The following TIAM2 variants were observed in gnomAD, a reference collection of about 807,000 sequenced individuals.
The protein encoded by TIAM2 is rho guanine nucleotide exchange factor TIAM2.
Under a neutral mutation model 152.9 loss-of-function variants are expected in TIAM2, and 80 were observed. The observed-to-expected ratio is 0.52, with a 90% confidence interval of 0.44 to 0.63. The LOEUF (loss-of-function observed/expected upper bound fraction) is 0.63, where lower values mean the gene tolerates loss of function less well. Among genes scored for constraint, TIAM2 ranks in the 30% least tolerant of loss-of-function variants. The probability of loss-of-function intolerance (pLI) is 0.00; values close to 1 mark genes in which losing one functional copy is unlikely to be tolerated. For missense variants in TIAM2, 1,965 were observed against 2,120.1 expected, an observed-to-expected ratio of 0.93 and a Z score of 1.44; for synonymous variants, 804 against 838.0, an observed-to-expected ratio of 0.96 and a Z score of 0.70.
At chr6:155,201,244 C>T (rs75013826) in intron 14 of TIAM2, among the ~76,000 whole-genome samples, 4 of 152,228 alleles carry the variant, frequency 2.6e-5, no homozygotes, top group East Asian at 3.9e-4. Context: ...TTCTTTTTTC[C>T]GTAGAAACTT....
intron 1 of TIAM2, among the ~76,000 whole-genome samples, chr6:155,029,262 A>T: frequency 1.8e-5 from 2 of 110,410 alleles, no homozygotes; most frequent in African/African-American, 6.6e-5. Flanking sequence ...ACTATGTGTT[A>T]TATACACTAT....
chr6:155,152,259 C>G (rs1264707123), intron 7 of TIAM2, among the ~76,000 whole-genome samples: 1 of 152,248 alleles, frequency 6.6e-6, no homozygotes, highest in African/African-American at 2.4e-5. Flanking sequence ...GAAGCCAAAA[C>G]TGCCAAGAAG....
chr6:155,253,941 G>A (rs1783837857), intron 24 of TIAM2, 32 bp from the exon 25 acceptor site: 3 of 1,581,286 alleles, frequency 1.9e-6, no homozygotes, highest in African/African-American at 2.7e-5. Flanking sequence ...GGGCAAAGTT[G>A]TAGACTCTTG....
At chr6:155,163,984 GA>G (rs1164998530) in intron 7 of TIAM2, among the ~76,000 whole-genome samples, 1 of 148,512 alleles carries the variant, frequency 6.7e-6, no homozygotes, top group Non-Finnish European at 1.5e-5. Flanking sequence ...TTTTGAGACG[GA>G]GTCTTGCTTG....
chr6:155,094,414 A>G (rs1562313950), intron 2 of TIAM2, among the ~76,000 whole-genome samples: 1 of 152,214 alleles, frequency 6.6e-6, no homozygotes, highest in Admixed American at 6.5e-5. Context: ...CATAGTTTCA[A>G]ACTTCAAGAA....
intron 7 of TIAM2, among the ~76,000 whole-genome samples, chr6:155,164,133 G>GTGTTTTTTTTTTTTTT (rs1554236331): frequency 8.5e-6 from 1 of 118,006 alleles, no homozygotes; most frequent in Non-Finnish European, 1.7e-5. Flanking sequence ...TAATTTTTGT[G>GTGTTTTTTTTTTTTTT]TTTTTTTTTT....
chr6:155,028,887 ACACTGT>A lies in TIAM2; in HGVS notation c.-209+33396_-209+33401del, dbSNP rs1214487717. ...ATACTATCTATACTATGTTATATAT[ACACTGT>A]ATATACTATCTATACTATGTTATAT... On this transcript the variant is annotated intron_variant, in intron 1 of 26. Coordinates refer to ENST00000682666, the MANE Select transcript of TIAM2 (RefSeq NM_012454.4). Among the ~76,000 whole-genome samples the A allele has an allele frequency of 1.1e-3, 127 of 115,980 alleles. 26 individuals are homozygous for A. Among genetic ancestry groups the A allele is most frequent in the African/African-American group, 3.4e-3 (102 of 30,084 alleles). 76.1% of individuals were successfully genotyped at this position (115,980 alleles called of 152,430 possible).
chr6:154,998,937 A>G (rs779181363), intron 1 of TIAM2, among the ~76,000 whole-genome samples: 1 of 148,090 alleles, frequency 6.8e-6, no homozygotes, highest in Non-Finnish European at 1.5e-5. Context: ...TCTCAGGGAA[A>G]GAAAAGATTT....
intron 1 of TIAM2, among the ~76,000 whole-genome samples, chr6:155,086,107 G>A (rs541786511): frequency 2.6e-4 from 39 of 152,314 alleles, no homozygotes; most frequent in African/African-American, 8.9e-4. Flanking sequence ...GTCCAGCTCA[G>A]GGAAGCTTCA....
chr6:155,257,207 A>AC lies in TIAM2; in HGVS notation c.*86_*87insC, dbSNP rs1784114042. The AC allele has an allele frequency of 8.7e-6, 12 of 1,386,362 alleles. No individual in the cohort carries two copies. Among genetic ancestry groups the AC allele is most frequent in the African/African-American group, 1.5e-5 (1 of 68,178 alleles). 85.9% of individuals were successfully genotyped at this position (1,386,362 alleles called of 1,614,324 possible). On this transcript the variant is annotated 3_prime_UTR_variant, in exon 27 of 27. Coordinates refer to ENST00000682666, the MANE Select transcript of TIAM2 (RefSeq NM_012454.4). ...GGAAATTGCAAAAAAAAAAAAAAAA[A>AC]AAAACTGTTCATTCCTGGGTTTTGT...
At chr6:155,017,063 G>C (rs2114856810) in intron 1 of TIAM2, among the ~76,000 whole-genome samples, 2 of 152,262 alleles carry the variant, frequency 1.3e-5, no homozygotes, top group East Asian at 3.9e-4. Context: ...AAACAGAGCA[G>C]GAACTCACAG....
chr6:155,247,869 T>C lies in TIAM2; in HGVS notation c.3653-131T>C, dbSNP rs547711847. On this transcript the variant is annotated intron_variant, in intron 19 of 26. Transcript: ENST00000682666. ...GCTGGGTGCCTGACCCACTGATGTGTTGGGGTTTTCATTAAAGAATGGCAT... is the reference window on the plus strand; with the variant it reads ...GCTGGGTGCCTGACCCACTGATGTGCTGGGGTTTTCATTAAAGAATGGCAT... 7 of 1,170,488 alleles carry C rather than the reference T, an allele frequency of 6.0e-6. No individual in the cohort carries two copies. The South Asian group carries it at 9.1e-5, about 15-fold the overall frequency. The allele number at this position is 1,170,488 out of a possible 1,614,324, so 72.5% of individuals were successfully genotyped here. A position where few individuals can be genotyped will look rare whatever the true frequency, so the allele number is the denominator to read the frequency against.
intron 1 of TIAM2, among the ~76,000 whole-genome samples, chr6:155,085,621 G>C (rs1379129931): frequency 6.6e-6 from 1 of 151,904 alleles, no homozygotes; most frequent in African/African-American, 2.4e-5. Context: ...CAGCTTTCGA[G>C]TAGGACATGG....
At chr6:155,044,806 C>T (rs1454146460) in intron 1 of TIAM2, among the ~76,000 whole-genome samples, 8 of 150,256 alleles carry the variant, frequency 5.3e-5, no homozygotes, top group African/African-American at 1.7e-4. Context: ...CCAGCCTGGG[C>T]GACAGAGCAA....
At position 155,029,337 on chromosome 6, in the gene TIAM2, ATATATAATATATATACGT is replaced by A. The variant is rs1278985613; in HGVS notation, c.-209+33852_-209+33869del. ...ATATATACTATATGTACTATGTGTT[ATATATAATATATATACGT>A]TATATATAATATATACTATATATAC... On this transcript the variant is annotated intron_variant, in intron 1 of 26. Transcript: ENST00000682666. Among the ~76,000 whole-genome samples the A allele has an allele frequency of 6.1e-4, 63 of 103,566 alleles. 5 individuals carry two copies. Among genetic ancestry groups the A allele is most frequent in the African/African-American group, 2.3e-3 (61 of 26,696 alleles). The allele number at this position is 103,566 out of a possible 152,430, so 67.9% of individuals were successfully genotyped here. A position where few individuals can be genotyped will look rare whatever the true frequency, so the allele number is the denominator to read the frequency against.
Position 155,251,000 on chromosome 6 carries a change from G to A in TIAM2, c.4039G>A (p.Asp1347Asn), listed in dbSNP as rs754764201. 1.2e-6 allele frequency: 2 copies of A among 1,614,110 alleles called. No homozygotes were observed. Among genetic ancestry groups the A allele is most frequent in the Non-Finnish European group, 1.7e-6 (2 of 1,179,994 alleles). The change falls in exon 22 of 27, where the codon GAC becomes AAC. Residue 1347 changes from aspartate (D) to asparagine (N), a missense_variant. Around this residue, in one of 3 missense-constraint regions of TIAM2, gnomAD observed 935 missense variants for 980.0 expected, o/e 0.95. Coordinates refer to ENST00000682666, the MANE Select transcript of TIAM2 (RefSeq NM_012454.4). ...TCTGTCTCTAGGAAAAGCTAGAAAG[G>A]ACCTTGAGCTCACAGTATTTGGTTA... ...PFLSLGKARK[D>N]LELTVFVFKR... is the part of the protein sequence containing the mutation.
intron 1 of TIAM2, among the ~76,000 whole-genome samples, chr6:155,029,695 A>G (rs1776783913): frequency 7.2e-6 from 1 of 139,424 alleles, no homozygotes; most frequent in East Asian, 2.0e-4. Flanking sequence ...AACTATATAT[A>G]GAGATATATA....
At position 155,119,428 on chromosome 6, in the gene TIAM2, C is replaced by T. The variant is rs528098743; in HGVS notation, c.-117-8062C>T. Among the ~76,000 whole-genome samples the T allele has an allele frequency of 2.1e-3, 322 of 152,206 alleles. 2 individuals carry two copies. Among genetic ancestry groups the T allele is most frequent in the Non-Finnish European group, 3.8e-3 (256 of 68,022 alleles). ...AATCTCCACTCACTGTAACCTCTGC[C>T]TCCCAGGTTCAAGTGATTCTCATGC... On this transcript the variant is annotated intron_variant, in intron 2 of 26. Transcript: ENST00000682666.
chr6:155,081,149 T>A (rs1225711388), intron 1 of TIAM2, among the ~76,000 whole-genome samples: 2 of 152,212 alleles, frequency 1.3e-5, no homozygotes, highest in African/African-American at 4.8e-5. Flanking sequence ...TTAACCACCC[T>A]TGGTGTCATT....
Sources: allele counts gnomAD v4.1 joint callset (sites outside exome capture counted in the v4.1 genomes callset), GRCh38; gene constraint gnomAD v4.1.1; regional missense constraint gnomAD v4.1.1; transcripts MANE v1.5; gene names NCBI Gene and HGNC (gene_info 2026-07-23, HGNC 2026-07-21).